The following GNAI2 variants were observed in gnomAD, a reference collection of about 807,000 sequenced individuals.
GNAI2 encodes the protein guanine nucleotide-binding protein G(i) subunit alpha-2.
A neutral mutation model predicts 36.8 loss-of-function variants in GNAI2; 4 were observed. The ratio of observed to expected loss-of-function variants is 0.11; its 90% CI spans 0.05 to 0.25. The LOEUF (loss-of-function observed/expected upper bound fraction) is 0.25, where lower values mean the gene tolerates loss of function less well. GNAI2 is among the 10% of genes least tolerant of loss of function. GNAI2 has a pLI of 1.00. For missense variants in GNAI2, 230 were observed against 481.3 expected, an observed-to-expected ratio of 0.48 and a Z score of 4.89; for synonymous variants, 194 against 194.1, an observed-to-expected ratio of 1.00 and a Z score of 0.01.
At chr3:50,236,140 G>A (rs965429191), upstream of GNAI2, 2 of 1,133,352 alleles carry the variant, frequency 1.8e-6, no homozygotes, top group South Asian at 4.4e-5. This position sits in a 1 kb window ranked among gnomAD's most constrained non-coding sequence, Gnocchi z 4.0. Flanking sequence ...GGCTTGGTTC[G>A]CCCAGGCCCC....
chr3:50,257,633 T>C lies in GNAI2; in HGVS notation c.1011T>C (p.Phe337=). ...ATDTKNVQFV[F]DAVTDVIIKN... is the part of the protein sequence containing the mutation. Reference sequence around the variant, plus strand: ...ACACCAAGAACGTGCAGTTCGTGTTTGACGCCGTCACCGATGTCATCATCA... The same window carrying C: ...ACACCAAGAACGTGCAGTTCGTGTTCGACGCCGTCACCGATGTCATCATCA... The change falls in exon 8 of 9, where the codon TTT becomes TTC. Residue 337 remains phenylalanine, a synonymous_variant. Transcript: ENST00000313601. 4 of 1,607,872 alleles carry C rather than the reference T, an allele frequency of 2.5e-6. No homozygotes were observed. Among genetic ancestry groups the C allele is most frequent in the Non-Finnish European group, 2.6e-6 (3 of 1,176,464 alleles).
rs1330929469 is a variant in GNAI2 at position 50,241,989 on chromosome 3, C to G, written c.118+5536C>G. 6.6e-6 allele frequency among the ~76,000 whole-genome samples: 1 copy of G among 152,072 alleles called. No homozygotes were observed. The highest frequency in any genetic ancestry group is 1.5e-5 in the Non-Finnish European group (1 of 67,988). The stretch of plus-strand genomic sequence containing the variant: ...CAAGGTCCCTAGGCCTCCAGCACTG[C>G]AGGGGGTGGGGCAGTAGGTGCACTT... On this transcript the variant is annotated intron_variant, in intron 1 of 8. Coordinates refer to ENST00000313601, the MANE Select transcript of GNAI2 (RefSeq NM_002070.4). The surrounding 1 kb of genome is among the most constrained non-coding windows in gnomAD (Gnocchi z 5.0).
chr3:50,253,269 A>G lies in GNAI2; in HGVS notation c.464+85A>G. The G allele has an allele frequency of 9.1e-7, 1 of 1,093,570 alleles. No individual in the cohort carries two copies. The highest frequency in any genetic ancestry group is 2.4e-5 in the East Asian group (1 of 41,008). The allele number at this position is 1,093,570 out of a possible 1,614,324, so 67.7% of individuals were successfully genotyped here. Reference sequence around the variant, plus strand: ...GACCGGAGGGCCTGAGAACCCCCAGAAGGACACTGCTGGTCTTTGCTTATG... The same window carrying G: ...GACCGGAGGGCCTGAGAACCCCCAGGAGGACACTGCTGGTCTTTGCTTATG... On this transcript the variant is annotated intron_variant, in intron 4 of 8. Coordinates refer to ENST00000313601, the MANE Select transcript of GNAI2 (RefSeq NM_002070.4). The surrounding 1 kb of genome is among the most constrained non-coding windows in gnomAD (Gnocchi z 4.2).
At chr3:50,232,873 A>G (rs1489934342), upstream of GNAI2, among the ~76,000 whole-genome samples, 2 of 148,838 alleles carry the variant, frequency 1.3e-5, no homozygotes, top group Non-Finnish European at 3.0e-5. Flanking sequence ...GGAGGGGGTC[A>G]TTGCTGTGGC....
At chr3:50,254,764 AT>A (rs1553702945) in intron 4 of GNAI2, among the ~76,000 whole-genome samples, 1 of 152,212 alleles carries the variant, frequency 6.6e-6, no homozygotes, top group Admixed American at 6.5e-5. Flanking sequence ...TTCTCCAGAC[AT>A]TAGGCACCCA....
chr3:50,248,352 G>A (rs1553701988), intron 1 of GNAI2, among the ~76,000 whole-genome samples: 1 of 152,186 alleles, frequency 6.6e-6, no homozygotes, highest in East Asian at 1.9e-4. Context: ...AGCTTATCTG[G>A]TAGGGGGCAT....
rs587730804 is a variant in GNAI2, at chr3:50,249,501, A to G, written c.119-2599A>G. ...AATGGGGAGGGAGTGGTGCTGGTAT[A>G]TATCCCGGTACACACCCCAGTGAAG... On this transcript the variant is annotated intron_variant, in intron 1 of 8. Transcript: ENST00000313601. 2.6e-5 allele frequency among the ~76,000 whole-genome samples: 4 copies of G among 152,114 alleles called. No homozygotes were observed. The South Asian group carries it at 8.3e-4, about 32-fold the overall frequency.
Position 50,236,654 on chromosome 3 carries a change from TCCCAGAC to T in GNAI2, c.118+210_118+216del, listed in dbSNP as rs1700177552. Among the ~76,000 whole-genome samples, 4 of 151,994 alleles carry T rather than the reference TCCCAGAC, an allele frequency of 2.6e-5. No homozygotes were observed. Among genetic ancestry groups the T allele is most frequent in the Admixed American group, 2.6e-4 (4 of 15,260 alleles). On this transcript the variant is annotated intron_variant, in intron 1 of 8. Transcript: ENST00000313601. This position sits in a 1 kb window ranked among gnomAD's most constrained non-coding sequence, Gnocchi z 4.0. ...GACTCTAGACCAGACCCCTGTCTCA[TCCCAGAC>T]CCCAGACCTCCAAATCCAGTCAACA...
rs1700298188 is a variant in GNAI2 at position 50,241,462 on chromosome 3, C to CAA, written c.118+5009_118+5010insAA. Reference sequence around the variant, plus strand: ...CTGCCCAGTTCTGCTAGGCTCAGCCCCTGCCTCTCACGCCAGTGTCAGTGC... The same window carrying CAA: ...CTGCCCAGTTCTGCTAGGCTCAGCCCAACTGCCTCTCACGCCAGTGTCAGTGC... On this transcript the variant is annotated intron_variant, in intron 1 of 8. Transcript: ENST00000313601. This position sits in a 1 kb window ranked among gnomAD's most constrained non-coding sequence, Gnocchi z 5.0. 6.6e-6 allele frequency among the ~76,000 whole-genome samples: 1 copy of CAA among 152,202 alleles called. No homozygotes were observed. The highest frequency in any genetic ancestry group is 1.5e-5 in the Non-Finnish European group (1 of 68,024).
At chr3:50,249,168 G>T (rs782040100) in intron 1 of GNAI2, among the ~76,000 whole-genome samples, 1 of 152,116 alleles carries the variant, frequency 6.6e-6, no homozygotes, top group Non-Finnish European at 1.5e-5. Context: ...GTCTGAGCTC[G>T]CCTGGCTCGG....
chr3:50,234,361 T>TC (rs1700122883), upstream of GNAI2, among the ~76,000 whole-genome samples: 1 of 150,986 alleles, frequency 6.6e-6, no homozygotes, highest in Admixed American at 6.6e-5. Context: ...CCGGTCTTTT[T>TC]TTTTTTTTTT....
intron 4 of GNAI2, among the ~76,000 whole-genome samples, chr3:50,254,787 G>C (rs1206997666): frequency 6.6e-6 from 1 of 152,252 alleles, no homozygotes; most frequent in South Asian, 2.1e-4. Flanking sequence ...TGTGTGCCCA[G>C]CACAGTTTTG....
chr3:50,232,185 C>A (rs1470655621), upstream of GNAI2, among the ~76,000 whole-genome samples: 4 of 152,242 alleles, frequency 2.6e-5, no homozygotes, highest in Admixed American at 6.5e-5. Context: ...CAAAAATTAG[C>A]CGGGTGTGGT....
intron 1 of GNAI2, chr3:50,251,756 A>G: frequency 7.6e-7 from 1 of 1,314,938 alleles, no homozygotes; most frequent in Non-Finnish European, 9.9e-7. Flanking sequence ...TGGCGAGCCT[A>G]TGTATGTGAG....
upstream of GNAI2, chr3:50,235,985 T>G: frequency 6.1e-6 from 1 of 164,000 alleles, no homozygotes; most frequent in Non-Finnish European, 1.3e-5. Context: ...ACCACCCCTA[T>G]TGCCTTTTCT....
rs1441940739 is a variant in GNAI2 at position 50,236,469 on chromosome 3, G to C, written c.118+16G>C. Reference sequence around the variant, plus strand: ...CTGCTGTTGGGTGAGGCCGCGTCCCGCACTGGGATCCTTGATTCCCAGCTC... The same window carrying C: ...CTGCTGTTGGGTGAGGCCGCGTCCCCCACTGGGATCCTTGATTCCCAGCTC... On this transcript the variant is annotated intron_variant, in intron 1 of 8. Coordinates refer to ENST00000313601, the MANE Select transcript of GNAI2 (RefSeq NM_002070.4). This position sits in a 1 kb window ranked among gnomAD's most constrained non-coding sequence, Gnocchi z 4.0. 1.9e-6 allele frequency: 3 copies of C among 1,570,556 alleles called. No individual in the cohort carries two copies. Among genetic ancestry groups the C allele is most frequent in the African/African-American group, 1.4e-5 (1 of 71,368 alleles).
Position 50,241,344 on chromosome 3 carries a change from G to A in GNAI2, c.118+4891G>A, listed in dbSNP as rs1273619286. On this transcript the variant is annotated intron_variant, in intron 1 of 8. Transcript: ENST00000313601. This position sits in a 1 kb window ranked among gnomAD's most constrained non-coding sequence, Gnocchi z 5.0. ...TTCCCACCCCTCCCCCAGGCTTGTC[G>A]GGGCTTTGTCTGCAGGAGCAGGCAG... 6.6e-6 allele frequency among the ~76,000 whole-genome samples: 1 copy of A among 152,178 alleles called. No individual in the cohort carries two copies. Among genetic ancestry groups the A allele is most frequent in the African/African-American group, 2.4e-5 (1 of 41,454 alleles).
chr3:50,236,200 C>T (rs1553700322), upstream of GNAI2: 2 of 1,179,234 alleles, frequency 1.7e-6, no homozygotes, highest in East Asian at 3.8e-5. This position sits in a 1 kb window ranked among gnomAD's most constrained non-coding sequence, Gnocchi z 4.0. Context: ...AAGGCGCCTC[C>T]CGCAGTCGCT....
At chr3:50,227,664 G>T (rs12631192), upstream of GNAI2, among the ~76,000 whole-genome samples, 141 of 152,372 alleles carry the variant, frequency 9.3e-4, 1 homozygote, top group East Asian at 0.016. The surrounding 1 kb of genome is among the most constrained non-coding windows in gnomAD (Gnocchi z 5.9). Flanking sequence ...CGCCTTGGGC[G>T]GGGCGTGGGT....
Sources: gnomAD v4.1 joint callset for allele counts (sites outside exome capture counted in the v4.1 genomes callset) on GRCh38, gnomAD v4.1.1 for gene constraint, Gnocchi (gnomAD v3.1) non-coding constraint, MANE v1.5 for transcripts, NCBI Gene and HGNC (gene_info 2026-07-23, HGNC 2026-07-21) for gene names.